The following MAPK10 variants were observed in gnomAD, a reference collection of about 807,000 sequenced individuals.
MAPK10 encodes the protein mitogen-activated protein kinase 10.
In MAPK10, 25 loss-of-function variants were observed where a neutral mutation model predicts 59.3. That is an observed-to-expected ratio of 0.42 (90% CI 0.31 to 0.59). The LOEUF is 0.59. MAPK10 is among the 20% of genes least tolerant of loss of function. MAPK10 has a pLI of 0.15. For synonymous variants in MAPK10, 190 were observed against 200.5 expected (o/e 0.95, Z 0.44); for missense variants, 351 against 568.9 (o/e 0.62, Z 3.90).
In MAPK10 at chr4:86,305,829, A is replaced by T. The variant is rs1461218234; in HGVS notation, c.-7+48701T>A. Among the ~76,000 whole-genome samples, 3 of 152,132 alleles carry T rather than the reference A, an allele frequency of 2.0e-5. No homozygotes were observed. The East Asian group carries it at 5.8e-4, about 29-fold the overall frequency. On this transcript the variant is annotated intron_variant, in intron 2 of 13. Transcript: ENST00000641462. ...AGGGAGACTCCATCTCCAAAAAAAA[A>T]AAAAAAAATCAAAACAGACAATCAC... is the stretch of plus-strand genomic sequence containing the variant.
At chr4:86,552,526 G>GA (rs1335438702) in intron 1 of MAPK10, among the ~76,000 whole-genome samples, 1 of 143,722 alleles carries the variant, frequency 7.0e-6, no homozygotes, top group African/African-American at 2.6e-5. Context: ...AGGAAGGAAG[G>GA]AAGGAAGGAA....
chr4:86,202,641 A>G (rs1406649012), intron 2 of MAPK10, among the ~76,000 whole-genome samples: 1 of 151,958 alleles, frequency 6.6e-6, no homozygotes, highest in African/African-American at 2.4e-5. Flanking sequence ...AAATAATCCA[A>G]GCACAATGAC....
At chr4:86,442,608 C>G (rs1749538104) in intron 1 of MAPK10, among the ~76,000 whole-genome samples, 2 of 152,156 alleles carry the variant, frequency 1.3e-5, no homozygotes, top group South Asian at 4.1e-4. Flanking sequence ...ATGTACCTTT[C>G]TGTTAGATTT....
intron 4 of MAPK10, among the ~76,000 whole-genome samples, chr4:86,154,933 A>G (rs1326415609): frequency 6.6e-6 from 1 of 152,070 alleles, no homozygotes; most frequent in African/African-American, 2.4e-5. Flanking sequence ...TATATTAAAT[A>G]CCTTTCTGTC....
intron 2 of MAPK10, 40 bp from the exon 3 acceptor site, chr4:86,194,447 T>C (rs1305816242): frequency 1.8e-6 from 2 of 1,141,224 alleles, no homozygotes; most frequent in African/African-American, 3.0e-5. Context: ...TTCAAATCAC[T>C]AGTTTTTCAT....
chr4:86,548,192 C>T (rs1284389487), intron 1 of MAPK10, among the ~76,000 whole-genome samples: 1 of 152,148 alleles, frequency 6.6e-6, no homozygotes, highest in Non-Finnish European at 1.5e-5. Context: ...ACCACGAACC[C>T]ACCGGGAGGA....
intron 1 of MAPK10, among the ~76,000 whole-genome samples, chr4:86,525,052 C>A (rs1240079933): frequency 6.6e-6 from 1 of 152,080 alleles, no homozygotes; most frequent in African/African-American, 2.4e-5. Context: ...AAACCCAGCA[C>A]TTTGGGAGGC....
chr4:86,493,014 T>G (rs188009625), intron 1 of MAPK10, among the ~76,000 whole-genome samples: 76 of 152,342 alleles, frequency 5.0e-4, no homozygotes, highest in African/African-American at 1.7e-3. Flanking sequence ...AGTATGCACC[T>G]GTGACAAGAG....
chr4:86,423,760 G>GAGATATATAT (rs1746842550), intron 1 of MAPK10, among the ~76,000 whole-genome samples: 1 of 117,120 alleles, frequency 8.5e-6, no homozygotes, highest in Non-Finnish European at 1.7e-5. Context: ...TAATTAGTGG[G>GAGATATATAT]ATATATATAC....
intron 1 of MAPK10, among the ~76,000 whole-genome samples, chr4:86,481,712 C>G (rs1344564636): frequency 1.3e-5 from 2 of 152,132 alleles, no homozygotes; most frequent in Non-Finnish European, 2.9e-5. Context: ...GATTTAAAGG[C>G]AAGTACGTAC....
intron 2 of MAPK10, among the ~76,000 whole-genome samples, chr4:86,227,758 A>G (rs570730470): frequency 3.3e-5 from 5 of 152,272 alleles, no homozygotes; most frequent in Non-Finnish European, 5.9e-5. Flanking sequence ...GTCCTGTGCA[A>G]TCTGACCTCT....
chr4:86,214,106 A>G (rs1599314), intron 2 of MAPK10, among the ~76,000 whole-genome samples: 21,935 of 152,092 alleles, frequency 0.14, 1,610 homozygotes, highest in African/African-American at 0.17. Flanking sequence ...AGTATATCTC[A>G]TTAATGGAAT....
rs187608955 is a variant in MAPK10 at position 86,289,427 on chromosome 4, G to C, written c.-7+65103C>G. On this transcript the variant is annotated intron_variant, in intron 2 of 13. Transcript: ENST00000641462. ...CTAGATGCTGTATGGAAAATGAAGAGGCAGAGAGCAACAGTTAAGCAGGGA... is the reference window on the plus strand; with the variant it reads ...CTAGATGCTGTATGGAAAATGAAGACGCAGAGAGCAACAGTTAAGCAGGGA... Among the ~76,000 whole-genome samples, 292 of 151,984 alleles carry C rather than the reference G, an allele frequency of 1.9e-3. 1 individual carries two copies. Among genetic ancestry groups the C allele is most frequent in the Non-Finnish European group, 3.5e-3 (241 of 67,974 alleles).
chr4:86,508,677 TG>T (rs1755981387), intron 1 of MAPK10, among the ~76,000 whole-genome samples: 1 of 152,230 alleles, frequency 6.6e-6, no homozygotes, highest in Non-Finnish European at 1.5e-5. Context: ...TTCCCTTACT[TG>T]TTTCTGAACA....
At chr4:86,496,258 C>T (rs2149077251) in intron 1 of MAPK10, among the ~76,000 whole-genome samples, 1 of 152,190 alleles carries the variant, frequency 6.6e-6, no homozygotes, top group East Asian at 1.9e-4. Flanking sequence ...GCTTTGTGCC[C>T]CGGGTTTTGG....
intron 11 of MAPK10, among the ~76,000 whole-genome samples, chr4:86,053,600 G>A (rs2043975184): frequency 6.6e-6 from 1 of 151,956 alleles, no homozygotes; most frequent in African/African-American, 2.4e-5. Flanking sequence ...GTAAATTTTA[G>A]TTAACAGAAC....
In MAPK10 at chr4:86,064,334, T is replaced by G. The variant is rs753883473; in HGVS notation, c.1042A>C (p.Ile348Leu). 6.2e-7 allele frequency: 1 copy of G among 1,614,058 alleles called. No individual in the cohort carries two copies. Among genetic ancestry groups the G allele is most frequent in the Non-Finnish European group, 8.5e-7 (1 of 1,180,042 alleles). ...TGCTGTAAGGCGTCGTCCACTGATA[T>G]TCTTTTTGCTGGGTCAATCACTAGC... ...KMLVIDPAKR[I>L]SVDDALQHPY... Residue 348 changes from isoleucine (I) to leucine (L), a missense_variant, in exon 11 of 14, where the codon ATA becomes CTA. By Grantham distance (5) the Ile-to-Leu change is conservative (BLOSUM62 2). This residue lies in a region of MAPK10 where 155 missense variants were observed against 204.2 expected (regional missense o/e 0.76). Transcript: ENST00000641462.
chr4:86,179,961 G>A (rs1034092203), intron 3 of MAPK10, among the ~76,000 whole-genome samples: 2 of 137,482 alleles, frequency 1.5e-5, no homozygotes, highest in African/African-American at 6.5e-5. Flanking sequence ...CTCAAAAGCA[G>A]AGGCAACAAA....
At position 86,015,382 on chromosome 4, in the gene MAPK10, G is replaced by T. The variant is rs1472965943; in HGVS notation, c.*1846C>A. The T allele has an allele frequency of 6.6e-6, 1 of 152,054 alleles. No individual in the cohort carries two copies. Among genetic ancestry groups the T allele is most frequent in the Non-Finnish European group, 1.5e-5 (1 of 68,002 alleles). The allele number at this position is 152,054 out of a possible 1,614,324, so 9.4% of individuals were successfully genotyped here. A position where few individuals can be genotyped will look rare whatever the true frequency, so the allele number is the denominator to read the frequency against. Reference sequence around the variant, plus strand: ...GGCATTCTTGTTTGCTCTGTTTTGGGGATATTCTATTTGCCAATCAGTTCA... The same window carrying T: ...GGCATTCTTGTTTGCTCTGTTTTGGTGATATTCTATTTGCCAATCAGTTCA... On this transcript the variant is annotated 3_prime_UTR_variant, in exon 14 of 14. Coordinates refer to ENST00000641462, the MANE Select transcript of MAPK10 (RefSeq NM_138982.4).
Sources: gnomAD v4.1 joint callset for allele counts (sites outside exome capture counted in the v4.1 genomes callset) on GRCh38, gnomAD v4.1.1 for gene constraint, gnomAD v4.1.1 regional missense constraint, MANE v1.5 for transcripts, NCBI Gene and HGNC (gene_info 2026-07-23, HGNC 2026-07-21) for gene names.